SPECC1: variants seen among roughly 807,000 people sequenced by gnomAD.
The protein encoded by SPECC1 is cytospin-B.
In SPECC1, 62 loss-of-function variants were observed where a neutral mutation model predicts 104.1. That is an observed-to-expected ratio of 0.60 (90% CI 0.49 to 0.74). SPECC1 has a LOEUF of 0.74. SPECC1 is among the 30% of genes least tolerant of loss of function. The pLI, the probability that SPECC1 is intolerant of heterozygous loss-of-function variation, is 0.00. For synonymous variants in SPECC1, 513 were observed against 501.6 expected (o/e 1.02, Z -0.30); for missense variants, 1,306 against 1,310.5 (o/e 1.00, Z 0.05).
intron 5 of SPECC1, among the ~76,000 whole-genome samples, chr17:20,230,794 A>G (rs770001773): frequency 1.2e-4 from 18 of 152,218 alleles, no homozygotes; most frequent in Non-Finnish European, 2.1e-4. Context: ...TAGACCAATC[A>G]CTTCTTCCTA....
chr17:20,176,839 C>G (rs191073183), intron 3 of SPECC1, among the ~76,000 whole-genome samples: 18 of 152,270 alleles, frequency 1.2e-4, no homozygotes, highest in African/African-American at 4.3e-4. Context: ...TCTCAATATC[C>G]TTAAGCACAT....
chr17:20,135,484 CTG>C (rs1255117353), intron 3 of SPECC1, among the ~76,000 whole-genome samples: 11 of 152,192 alleles, frequency 7.2e-5, no homozygotes, highest in Admixed American at 5.9e-4. Context: ...CAGGGTCTTG[CTG>C]TGTCACCCAG....
intron 1 of SPECC1, among the ~76,000 whole-genome samples, chr17:20,025,127 C>G (rs1402391692): frequency 1.3e-5 from 2 of 152,136 alleles, no homozygotes; most frequent in Non-Finnish European, 2.9e-5. Context: ...ATGAGCCAAT[C>G]AAAATTTGGA....
chr17:20,246,016 A>T lies in SPECC1; in HGVS notation c.2442A>T (p.Pro814=), dbSNP rs140052426. Residue 814 remains proline, a synonymous_variant, in exon 8 of 15, where the codon CCA becomes CCT. Transcript: ENST00000395527. ...TTAGCAGAACATCTCCAACACCCCC[A>T]GAGTCGGCAACCACCGTTAAGTCAC... ...VCVSRTSPTP[P]ESATTVKSLI... 1.2e-6 allele frequency: 2 copies of T among 1,614,082 alleles called. No individual in the cohort carries two copies. The highest frequency in any genetic ancestry group is 4.5e-5 in the East Asian group (2 of 44,866).
chr17:20,021,702 ATTT>A (rs1187795523), intron 1 of SPECC1, among the ~76,000 whole-genome samples: 1 of 139,280 alleles, frequency 7.2e-6, no homozygotes, highest in African/African-American at 2.7e-5. Context: ...ATATATATAT[ATTT>A]TTTTGTACTT....
At chr17:20,269,097 TGAGA>T (rs755596041) in intron 12 of SPECC1, among the ~76,000 whole-genome samples, 3 of 152,212 alleles carry the variant, frequency 2.0e-5, no homozygotes, top group Non-Finnish European at 4.4e-5. Context: ...GAAATAAAAC[TGAGA>T]AAGATTACTC....
At chr17:20,180,051 G>A (rs1337027286) in intron 3 of SPECC1, among the ~76,000 whole-genome samples, 3 of 152,074 alleles carry the variant, frequency 2.0e-5, no homozygotes, top group Non-Finnish European at 2.9e-5. Flanking sequence ...TATTTAGTTT[G>A]GATGAAGGTT....
intron 9 of SPECC1, 113 bp downstream of exon 9, chr17:20,247,432 T>A (rs1342034240): frequency 2.8e-5 from 18 of 650,164 alleles, no homozygotes; most frequent in Non-Finnish European, 4.4e-5. Flanking sequence ...AGAGTATGTG[T>A]TTTGTAAATT....
intron 1 of SPECC1, among the ~76,000 whole-genome samples, chr17:20,025,487 T>A (rs1396726059): frequency 6.6e-6 from 1 of 152,248 alleles, no homozygotes; most frequent in Non-Finnish European, 1.5e-5. Flanking sequence ...TGTGACTGGC[T>A]TCTTTCACTT....
At chr17:20,132,516 AGTTTGTTT>A (rs201813080) in intron 3 of SPECC1, among the ~76,000 whole-genome samples, 10 of 150,434 alleles carry the variant, frequency 6.6e-5, no homozygotes, top group East Asian at 1.9e-4. Flanking sequence ...TCTACTTAGA[AGTTTGTTT>A]GTTTGTTTGT....
At chr17:20,068,685 G>A (rs1453739270) in intron 1 of SPECC1, among the ~76,000 whole-genome samples, 2 of 152,168 alleles carry the variant, frequency 1.3e-5, no homozygotes, top group Non-Finnish European at 2.9e-5. Flanking sequence ...CATCCCAGTC[G>A]ATGTGGAGTG....
intron 2 of SPECC1, among the ~76,000 whole-genome samples, chr17:20,104,866 A>G (rs1202950782): frequency 6.6e-6 from 1 of 151,514 alleles, no homozygotes; most frequent in Non-Finnish European, 1.5e-5. Flanking sequence ...CTAATACAGC[A>G]TGGTACTTCA....
chr17:20,154,835 G>A (rs1012244474), intron 3 of SPECC1, among the ~76,000 whole-genome samples: 1 of 152,078 alleles, frequency 6.6e-6, no homozygotes, highest in African/African-American at 2.4e-5. Context: ...TGAGATGTAG[G>A]GCTATTTATG....
chr17:20,311,385 T>TG (rs2041929580), intron 14 of SPECC1, among the ~76,000 whole-genome samples: 1 of 146,682 alleles, frequency 6.8e-6, no homozygotes, highest in Admixed American at 6.7e-5. Context: ...TTTTTTTTTG[T>TG]TTTTGTTTTT....
intron 1 of SPECC1, among the ~76,000 whole-genome samples, chr17:20,051,493 T>C (rs1334080250): frequency 1.3e-5 from 2 of 152,188 alleles, no homozygotes; most frequent in African/African-American, 4.8e-5. Flanking sequence ...GTTATTTCTT[T>C]AAAAAATCAA....
chr17:20,299,575 A>AG (rs1400972563), intron 13 of SPECC1, among the ~76,000 whole-genome samples: 55 of 118,232 alleles, frequency 4.7e-4, no homozygotes, highest in African/African-American at 1.4e-3. Flanking sequence ...AAAAAAAAAA[A>AG]AAAAGAAAAG....
At chr17:20,179,552 G>A (rs867351808) in intron 3 of SPECC1, among the ~76,000 whole-genome samples, 51 of 152,316 alleles carry the variant, frequency 3.3e-4, no homozygotes, top group Admixed American at 1.8e-3. Flanking sequence ...AGGTGGGAAA[G>A]TCCCCAGGCT....
At chr17:20,184,274 A>G (rs1483675856) in intron 3 of SPECC1, among the ~76,000 whole-genome samples, 1 of 151,712 alleles carries the variant, frequency 6.6e-6, no homozygotes, top group African/African-American at 2.4e-5. Context: ...ACCAGGATGT[A>G]TTATCAGGTG....
intron 3 of SPECC1, among the ~76,000 whole-genome samples, chr17:20,134,883 A>G (rs1597790973): frequency 6.6e-6 from 1 of 152,340 alleles, no homozygotes; most frequent in East Asian, 1.9e-4. Flanking sequence ...CCCACCATAT[A>G]ACAAGTTTTA....
Sources: allele counts gnomAD v4.1 joint callset (sites outside exome capture counted in the v4.1 genomes callset), GRCh38; gene constraint gnomAD v4.1.1; transcripts MANE v1.5; gene names NCBI Gene and HGNC (gene_info 2026-07-23, HGNC 2026-07-21).